CTTNBP2: variants seen among roughly 807,000 people sequenced by gnomAD.
CTTNBP2 encodes the protein cortactin-binding protein 2.
Under a neutral mutation model 156.9 loss-of-function variants are expected in CTTNBP2, and 108 were observed. That is an observed-to-expected ratio of 0.69 (90% CI 0.59 to 0.81). The LOEUF is 0.81. CTTNBP2 is among the 30% of genes least tolerant of loss of function. The pLI is 0.00. For synonymous variants in CTTNBP2, 767 were observed against 751.8 expected (o/e 1.02, Z -0.33); for missense variants, 1,924 against 2,035.4 (o/e 0.95, Z 1.05).
intron 8 of CTTNBP2, among the ~76,000 whole-genome samples, chr7:117,768,091 G>GCA (rs34630353): frequency 0.15 from 22,134 of 148,302 alleles, 1,789 homozygotes; most frequent in South Asian, 0.19. Flanking sequence ...TCCTGTAAAT[G>GCA]CACACACACA....
intron 10 of CTTNBP2, among the ~76,000 whole-genome samples, chr7:117,759,012 G>A (rs1236548260): frequency 6.6e-6 from 1 of 152,114 alleles, no homozygotes; most frequent in Non-Finnish European, 1.5e-5. Context: ...TCAGACCCTG[G>A]GCCAGAACCA....
intron 3 of CTTNBP2, among the ~76,000 whole-genome samples, chr7:117,804,521 G>A (rs574339352): frequency 2.0e-5 from 3 of 152,056 alleles, no homozygotes; most frequent in Non-Finnish European, 4.4e-5. Context: ...GAATCAACCC[G>A]AATGCCCATC....
At chr7:117,808,920 C>T (rs1022588709) in intron 3 of CTTNBP2, among the ~76,000 whole-genome samples, 2 of 152,122 alleles carry the variant, frequency 1.3e-5, no homozygotes, top group African/African-American at 4.8e-5. Context: ...AATTATAACT[C>T]TTCGCATACA....
intron 2 of CTTNBP2, among the ~76,000 whole-genome samples, chr7:117,854,781 TTA>T (rs1403062189): frequency 3.5e-4 from 53 of 152,160 alleles, no homozygotes; most frequent in African/African-American, 1.2e-3. Context: ...AATTAATTAA[TTA>T]ATTTATTTAT....
rs149077646 is a variant in CTTNBP2 at position 117,774,890 on chromosome 7, A to G, written c.2778+2621T>C. Among the ~76,000 whole-genome samples the G allele has an allele frequency of 3.1e-3, 474 of 152,312 alleles. 3 individuals carry two copies. Among genetic ancestry groups the G allele is most frequent in the African/African-American group, 0.011 (455 of 41,574 alleles). On this transcript the variant is annotated intron_variant, in intron 8 of 22. Transcript: ENST00000160373. ...AATGTAGAATCTTTTTACCAATGCA[A>G]TGACTAGCTCAGAGCCGTATTTTTT...
intron 20 of CTTNBP2, among the ~76,000 whole-genome samples, chr7:117,720,758 A>G (rs1794742143): frequency 1.3e-5 from 2 of 152,224 alleles, no homozygotes; most frequent in Non-Finnish European, 2.9e-5. Flanking sequence ...TGACTATCTA[A>G]AAGTTCACAA....
chr7:117,712,878 T>C (rs1794134972), intron 22 of CTTNBP2, among the ~76,000 whole-genome samples: 1 of 152,156 alleles, frequency 6.6e-6, no homozygotes, highest in South Asian at 2.1e-4. Context: ...ACTATCCTTT[T>C]TCTCCATTGA....
At chr7:117,818,359 A>G (rs1563038785) in intron 2 of CTTNBP2, among the ~76,000 whole-genome samples, 1 of 152,228 alleles carries the variant, frequency 6.6e-6, no homozygotes, top group Non-Finnish European at 1.5e-5. Flanking sequence ...ACTCAGCTCT[A>G]ACCCGCTCAA....
chr7:117,815,630 G>A (rs1248123494), intron 2 of CTTNBP2, among the ~76,000 whole-genome samples: 2 of 152,184 alleles, frequency 1.3e-5, no homozygotes, highest in East Asian at 1.9e-4. Flanking sequence ...TCCCACAAAT[G>A]TATGCAGGGG....
At chr7:117,727,656 C>T (rs1184571841) in intron 17 of CTTNBP2, among the ~76,000 whole-genome samples, 1 of 152,172 alleles carries the variant, frequency 6.6e-6, no homozygotes, top group Non-Finnish European at 1.5e-5. Flanking sequence ...ATTTCATTAA[C>T]CTTATTGTAT....
chr7:117,737,813 C>T (rs1022580320), intron 14 of CTTNBP2, among the ~76,000 whole-genome samples: 3 of 152,200 alleles, frequency 2.0e-5, no homozygotes, highest in Middle Eastern at 3.4e-3. Context: ...GTCCTGACTT[C>T]GTGATCCACC....
intron 2 of CTTNBP2, among the ~76,000 whole-genome samples, chr7:117,826,825 GCAT>G (rs1166471704): frequency 7.6e-6 from 1 of 131,058 alleles, no homozygotes; most frequent in Non-Finnish European, 1.6e-5. Flanking sequence ...TTTCTACTGA[GCAT>G]TATTATTATT....
At chr7:117,800,019 T>A (rs1799526733) in intron 3 of CTTNBP2, among the ~76,000 whole-genome samples, 1 of 151,916 alleles carries the variant, frequency 6.6e-6, no homozygotes, top group African/African-American at 2.4e-5. Flanking sequence ...AATGGAGAAA[T>A]GTACTATAAT....
intron 1 of CTTNBP2, chr7:117,872,296 T>G (rs1226390098): frequency 6.6e-6 from 1 of 152,496 alleles, no homozygotes; most frequent in Non-Finnish European, 1.5e-5. Context: ...CCTGCACTGA[T>G]TCTGCTCAGG....
At chr7:117,859,768 A>T (rs771333894) in intron 2 of CTTNBP2, among the ~76,000 whole-genome samples, 25 of 152,252 alleles carry the variant, frequency 1.6e-4, no homozygotes, top group Non-Finnish European at 3.4e-4. Context: ...TTGTCATTCA[A>T]AAGGCAACAC....
rs200782612 is a variant in CTTNBP2, at chr7:117,734,992, C to A, written c.3797G>T (p.Arg1266Leu). The A allele has an allele frequency of 1.4e-5, 22 of 1,614,016 alleles. No individual in the cohort carries two copies. The highest frequency in any genetic ancestry group is 3.3e-5 in the Admixed American group (2 of 60,006). Residue 1266 changes from arginine (R) to leucine (L), a missense_variant, in exon 16 of 23, where the codon CGC (arginine) becomes CTC (leucine). Physicochemically the swap from Arg to Leu is moderately radical, Grantham distance 102. Transcript: ENST00000160373. ...GSDLLVQQHF[R>L]WVQLRWDGEP... ...GCCATCCCACCGCAGCTGCACCCAG[C>A]GGAAATGCTGCTGCACCAGCAAGTC...
intron 6 of CTTNBP2, among the ~76,000 whole-genome samples, chr7:117,782,530 T>C (rs1180186713): frequency 6.6e-6 from 1 of 152,210 alleles, no homozygotes; most frequent in African/African-American, 2.4e-5. Context: ...GGGGTTGGAA[T>C]GGTGTAAAAC....
At chr7:117,842,270 G>A (rs368971338) in intron 2 of CTTNBP2, among the ~76,000 whole-genome samples, 7 of 151,990 alleles carry the variant, frequency 4.6e-5, no homozygotes, top group Non-Finnish European at 1.0e-4. Context: ...GTGCGATCCC[G>A]GCTCACTACA....
chr7:117,841,420 T>C (rs1802271603), intron 2 of CTTNBP2, among the ~76,000 whole-genome samples: 1 of 152,188 alleles, frequency 6.6e-6, no homozygotes, highest in African/African-American at 2.4e-5. Context: ...TTCTGTCTTT[T>C]TTTTTTCCCT....
Sources: allele counts gnomAD v4.1 joint callset (sites outside exome capture counted in the v4.1 genomes callset), GRCh38; gene constraint gnomAD v4.1.1; transcripts MANE v1.5; gene names NCBI Gene and HGNC (gene_info 2026-07-23, HGNC 2026-07-21).